DHX40: variants seen among roughly 807,000 people sequenced by gnomAD.
The protein encoded by DHX40 is DEAH-box helicase 40.
Under a neutral mutation model 89.6 loss-of-function variants are expected in DHX40, and 28 were observed. The ratio of observed to expected loss-of-function variants is 0.31; its 90% confidence interval spans 0.23 to 0.43. The LOEUF (loss-of-function observed/expected upper bound fraction) is 0.43. Among genes scored for constraint, DHX40 ranks in the 20% least tolerant of loss-of-function variants. The probability of loss-of-function intolerance (pLI) is 1.00; values close to 1 mark genes in which losing one functional copy is unlikely to be tolerated. For synonymous variants in DHX40, 226 were observed against 283.6 expected, an observed-to-expected ratio of 0.80 and a Z score of 2.04; for missense variants, 457 against 844.0, an observed-to-expected ratio of 0.54 and a Z score of 5.68.
intron 7 of DHX40, among the ~76,000 whole-genome samples, chr17:59,576,813 C>T (rs2048888507): frequency 6.6e-6 from 1 of 151,192 alleles, no homozygotes; most frequent in African/African-American, 2.4e-5. Flanking sequence ...TAAATAATTT[C>T]ATTCTTTTTT....
intron 13 of DHX40, among the ~76,000 whole-genome samples, 155 bp downstream of exon 13, chr17:59,599,006 A>G (rs1329039374): frequency 2.0e-5 from 3 of 152,166 alleles, no homozygotes; most frequent in Admixed American, 1.3e-4. Flanking sequence ...TCAGATGACT[A>G]TTGCTTAGTA....
chr17:59,565,632 A>C lies in DHX40; in HGVS notation c.-40A>C. 4 of 1,568,658 alleles carry C rather than the reference A, an allele frequency of 2.5e-6. No homozygotes were observed. The highest frequency in any genetic ancestry group is 3.5e-6 in the Non-Finnish European group (4 of 1,157,754). ...CTCGTCTTTCCCCTCCCATCTCCTC[A>C]GATCGGTGGACGTGCTCGCCTCCAC... On this transcript the variant is annotated 5_prime_UTR_variant, in exon 1 of 18. Transcript: ENST00000251241.
At chr17:59,601,968 C>T (rs2030554966) in intron 14 of DHX40, among the ~76,000 whole-genome samples, 1 of 152,208 alleles carries the variant, frequency 6.6e-6, no homozygotes. Flanking sequence ...CCATTACTAG[C>T]CCTGTGAAAA....
chr17:59,600,286 C>A (rs2030411142), intron 14 of DHX40, among the ~76,000 whole-genome samples: 2 of 151,748 alleles, frequency 1.3e-5, no homozygotes, highest in African/African-American at 4.8e-5. Context: ...ATACAGCAGG[C>A]CCTAGAAAAA....
intron 12 of DHX40, among the ~76,000 whole-genome samples, chr17:59,589,990 C>T (rs1039907644): frequency 8.6e-5 from 13 of 151,414 alleles, no homozygotes; most frequent in African/African-American, 3.2e-4. Context: ...GGATTGCAGG[C>T]ATGAGCCACC....
Position 59,573,161 on chromosome 17 carries a change from A to G in DHX40, c.472A>G (p.Ile158Val). Residue 158 changes from isoleucine (I) to valine (V), a missense_variant, in exon 4 of 18, where the codon ATT (isoleucine) becomes GTT (valine). Physicochemically the swap from Ile to Val is conservative, Grantham distance 29. Around this residue, in one of 9 missense-constraint regions of DHX40, gnomAD observed 9 missense variants for 44.4 expected, o/e 0.20. Transcript: ENST00000251241. ...GACTGATGGATGTTTACTGAAACAT[A>G]TTCTGGGAGACCCAAATCTTACCAA... is the stretch of plus-strand genomic sequence containing the variant. ...YMTDGCLLKH[I>V]LGDPNLTKFS... The G allele has an allele frequency of 1.2e-6, 2 of 1,613,734 alleles. 1 individual carries two copies. The highest frequency in any genetic ancestry group is 2.2e-5 in the South Asian group (2 of 91,022).
rs897101031 is a variant in DHX40 at position 59,587,827 on chromosome 17, T to G, written c.1425-69T>G. On this transcript the variant is annotated intron_variant, in intron 11 of 17. Transcript: ENST00000251241. ...AACGTAAATTATATCTGATTTATTC[T>G]GAATGATGAATGTTACATTTGTACT... 6.5e-6 allele frequency: 10 copies of G among 1,540,578 alleles called. No individual in the cohort carries two copies. The Admixed American group carries it at 1.1e-4, about 17-fold the overall frequency.
intron 2 of DHX40, among the ~76,000 whole-genome samples, chr17:59,569,727 A>G: frequency 6.9e-6 from 1 of 145,048 alleles, no homozygotes; most frequent in Admixed American, 6.9e-5. Flanking sequence ...ATATATATAG[A>G]TATATATATA....
intron 10 of DHX40, among the ~76,000 whole-genome samples, chr17:59,585,695 C>G (rs1194961872): frequency 6.6e-6 from 1 of 150,708 alleles, no homozygotes; most frequent in African/African-American, 2.5e-5. Flanking sequence ...TGCACTCCAG[C>G]CTGGGCAACA....
intron 7 of DHX40, among the ~76,000 whole-genome samples, chr17:59,576,542 A>C (rs973932362): frequency 6.6e-6 from 1 of 152,144 alleles, no homozygotes; most frequent in African/African-American, 2.4e-5. Flanking sequence ...TCAGTAAAGA[A>C]CATAGATGTG....
At chr17:59,596,266 G>A (rs1370306933) in intron 12 of DHX40, among the ~76,000 whole-genome samples, 2 of 152,002 alleles carry the variant, frequency 1.3e-5, no homozygotes, top group Non-Finnish European at 2.9e-5. Context: ...AAATATTTTG[G>A]GTTAAAAATT....
At chr17:59,590,012 G>A (rs1009215170) in intron 12 of DHX40, among the ~76,000 whole-genome samples, 1 of 151,670 alleles carries the variant, frequency 6.6e-6, no homozygotes, top group Non-Finnish European at 1.5e-5. Flanking sequence ...CGCCCAGCCC[G>A]GCGTTAATTT....
At chr17:59,606,503 T>G (rs1360926114) in intron 17 of DHX40, among the ~76,000 whole-genome samples, 1 of 152,072 alleles carries the variant, frequency 6.6e-6, no homozygotes, top group Admixed American at 6.5e-5. Context: ...TCCCAGCACT[T>G]TGGGAGACCA....
intron 12 of DHX40, among the ~76,000 whole-genome samples, chr17:59,590,894 A>G (rs1598163761): frequency 6.6e-6 from 1 of 151,630 alleles, no homozygotes; most frequent in Non-Finnish European, 1.5e-5. Flanking sequence ...TATCAGAGCT[A>G]AAAATACCAG....
intron 2 of DHX40, among the ~76,000 whole-genome samples, chr17:59,567,517 CT>C (rs1281811632): frequency 6.6e-6 from 1 of 152,204 alleles, no homozygotes; most frequent in African/African-American, 2.4e-5. Flanking sequence ...TTCTGCTTTC[CT>C]CAGCCCTTTT....
rs1400496549 is a variant in DHX40 at position 59,605,610 on chromosome 17, A to T, written c.2136A>T (p.Arg712=). The T allele has an allele frequency of 6.2e-7, 1 of 1,614,158 alleles. No individual in the cohort carries two copies. The highest frequency in any genetic ancestry group is 8.5e-7 in the Non-Finnish European group (1 of 1,180,032). Residue 712 remains arginine, a synonymous_variant, in exon 17 of 18, where the codon CGA becomes CGT. Coordinates refer to ENST00000251241, the MANE Select transcript of DHX40 (RefSeq NM_024612.5). Reference sequence around the variant, plus strand: ...CACATGATTTGAGCAGTGTGGCCCGACGTGAAGTGAGAGAAGATGCAAGAA... The same window carrying T: ...CACATGATTTGAGCAGTGTGGCCCGTCGTGAAGTGAGAGAAGATGCAAGAA... The part of the protein sequence containing the change: ...FNAHDLSSVA[R]REVREDARRR...
chr17:59,588,094 G>C, intron 12 of DHX40, 41 bp downstream of exon 12: 19 of 1,606,552 alleles, frequency 1.2e-5, no homozygotes, highest in Non-Finnish European at 1.6e-5. Context: ...AAAACTAATA[G>C]ACTTGGCTGG....
At chr17:59,605,878 T>C (rs2030814702) in intron 17 of DHX40, 1 of 630,228 alleles carries the variant, frequency 1.6e-6, no homozygotes, top group Non-Finnish European at 2.9e-6. Context: ...TGCAGGAGGA[T>C]CGCTTGAACC....
chr17:59,571,710 C>T (rs1433891127), intron 3 of DHX40, among the ~76,000 whole-genome samples: 1 of 151,848 alleles, frequency 6.6e-6, no homozygotes, highest in Non-Finnish European at 1.5e-5. Context: ...CCTGCCTCAG[C>T]CTCCCAAGTA....
Sources: allele counts gnomAD v4.1 joint callset (sites outside exome capture counted in the v4.1 genomes callset), GRCh38; gene constraint gnomAD v4.1.1; regional missense constraint gnomAD v4.1.1; transcripts MANE v1.5; gene names NCBI Gene and HGNC (gene_info 2026-07-23, HGNC 2026-07-21).